The following FOCAD variants were observed in gnomAD, a reference collection of about 807,000 sequenced individuals.
FOCAD encodes the protein KIAA1797.
A neutral mutation model predicts 225.6 loss-of-function variants in FOCAD; 198 were observed. The ratio of observed to expected loss-of-function variants is 0.88; its 90% CI spans 0.78 to 0.99. The LOEUF (loss-of-function observed/expected upper bound fraction) is 0.99. FOCAD is among the 50% of genes least tolerant of loss of function. The pLI, the probability that FOCAD is intolerant of heterozygous loss-of-function variation, is 0.00. For synonymous variants in FOCAD, 897 were observed against 755.0 expected, an observed-to-expected ratio of 1.19 and a Z score of -3.08; for missense variants, 2,713 against 2,123.6, an observed-to-expected ratio of 1.28 and a Z score of -5.46.
At chr9:20,725,126 C>T (rs759555967) in intron 4 of FOCAD, among the ~76,000 whole-genome samples, 2 of 152,182 alleles carry the variant, frequency 1.3e-5, no homozygotes, top group Non-Finnish European at 2.9e-5. Context: ...GAGCCAAGAT[C>T]GCACTACTGC....
At chr9:20,758,700 AT>A (rs1330751674) in intron 6 of FOCAD, among the ~76,000 whole-genome samples, 1 of 152,100 alleles carries the variant, frequency 6.6e-6, no homozygotes, top group African/African-American at 2.4e-5. Context: ...TGAACTCATC[AT>A]TTTTTATGGC....
chr9:20,782,904 C>G (rs1033953447), intron 10 of FOCAD, among the ~76,000 whole-genome samples: 4 of 152,156 alleles, frequency 2.6e-5, no homozygotes, highest in Non-Finnish European at 4.4e-5. Context: ...CTTCCTAAAT[C>G]CTAATTGTTT....
intron 1 of FOCAD, among the ~76,000 whole-genome samples, chr9:20,694,793 A>G (rs1450731779): frequency 6.6e-6 from 1 of 152,182 alleles, no homozygotes; most frequent in Non-Finnish European, 1.5e-5. Flanking sequence ...TTCTTAAAGT[A>G]CTATTACTAG....
In FOCAD at chr9:20,819,834, A is replaced by G. The variant is rs1456199690; in HGVS notation, c.1494A>G (p.Gly498=). The G allele has an allele frequency of 3.2e-6, 5 of 1,539,994 alleles. No homozygotes were observed. In the African/African-American group the frequency reaches 5.6e-5, roughly 17 times the overall value. ...NLIPVLMFKL[G]RPLEPILYND... is the part of the protein sequence containing the mutation. ...TTCCAGTTTTGATGTTCAAATTGGG[A>G]AGACCACTGGAACCTATATTATATA... The change falls in exon 12 of 44, where the codon GGA becomes GGG. Residue 498 remains glycine (G), a synonymous_variant. Coordinates refer to ENST00000338382, the MANE Select transcript of FOCAD (RefSeq NM_001375567.1).
rs532151723 is a variant in FOCAD, at chr9:20,919,576, A to G, written c.2852+2639A>G. Among the ~76,000 whole-genome samples, 1,242 of 152,354 alleles carry G rather than the reference A, an allele frequency of 8.2e-3. 5 individuals carry two copies. The highest frequency in any genetic ancestry group is 0.014 in the Non-Finnish European group (930 of 68,040). On this transcript the variant is annotated intron_variant, in intron 24 of 43. Transcript: ENST00000338382. ...ACTTCAAACTATACTACAAGGCTAC[A>G]GTAACCAAAACAGCATGGAACTGGT... is the stretch of plus-strand genomic sequence containing the variant.
intron 5 of FOCAD, among the ~76,000 whole-genome samples, chr9:20,755,875 A>T (rs921708369): frequency 1.4e-4 from 21 of 151,914 alleles, no homozygotes; most frequent in African/African-American, 4.6e-4. Flanking sequence ...GCTCAGGCTG[A>T]TGTCAAATCC....
chr9:20,881,835 TTACTC>T (rs980063334), intron 19 of FOCAD, 31 bp from the exon 20 acceptor site: 1 of 1,591,002 alleles, frequency 6.3e-7, no homozygotes. Context: ...CTTATTGTAT[TTACTC>T]TACTTTTGGT....
chr9:20,831,042 C>T lies in FOCAD; in HGVS notation c.1920+7927C>T, dbSNP rs370478456. On this transcript the variant is annotated intron_variant, in intron 15 of 43. Coordinates refer to ENST00000338382, the MANE Select transcript of FOCAD (RefSeq NM_001375567.1). ...ATTGACTAGGGATCTTATTTAAATCCGTAGTTTTAAAGCAATTATTCTGTG... is the reference window on the plus strand; with the variant it reads ...ATTGACTAGGGATCTTATTTAAATCTGTAGTTTTAAAGCAATTATTCTGTG... Among the ~76,000 whole-genome samples, 45 of 152,010 alleles carry T rather than the reference C, an allele frequency of 3.0e-4. No individual in the cohort carries two copies. The East Asian group carries it at 3.7e-3, about 12-fold the overall frequency.
intron 15 of FOCAD, among the ~76,000 whole-genome samples, chr9:20,849,087 A>G (rs919754476): frequency 6.6e-6 from 1 of 152,006 alleles, no homozygotes; most frequent in African/African-American, 2.4e-5. Context: ...GAAAAAATAT[A>G]TAAAAAAGGA....
At chr9:20,879,098 A>C (rs1365915523) in intron 19 of FOCAD, among the ~76,000 whole-genome samples, 1 of 152,124 alleles carries the variant, frequency 6.6e-6, no homozygotes, top group Non-Finnish European at 1.5e-5. Flanking sequence ...CCCCAACCCC[A>C]AATAATGCTT....
In FOCAD at chr9:20,923,774, T is replaced by C. The variant is rs1415138444; in HGVS notation, c.2961+6T>C. The C allele has an allele frequency of 1.9e-6, 3 of 1,605,248 alleles. No homozygotes were observed. Among genetic ancestry groups the C allele is most frequent in the South Asian group, 1.1e-5 (1 of 90,620 alleles). On this transcript the variant is annotated splice_donor_region_variant and intron_variant, in intron 25 of 43. Coordinates refer to ENST00000338382, the MANE Select transcript of FOCAD (RefSeq NM_001375567.1). The stretch of plus-strand genomic sequence containing the variant: ...ACTCTGACGGGCTCCTGGAGGTTAG[T>C]TGGGGTGATTTAAACAATTGGCTTT...
chr9:20,666,270 G>A (rs1821897543), intron 2 of FOCAD, among the ~76,000 whole-genome samples: 1 of 152,054 alleles, frequency 6.6e-6, no homozygotes, highest in Admixed American at 6.6e-5. Context: ...ATTACATATA[G>A]CATGAATAAA....
intron 21 of FOCAD, among the ~76,000 whole-genome samples, chr9:20,903,743 A>T (rs1236073575): frequency 1.3e-5 from 2 of 151,992 alleles, no homozygotes. Flanking sequence ...TTGAGGTGTC[A>T]TTCACATAAC....
Position 20,778,689 on chromosome 9 carries a change from T to A in FOCAD, c.915T>A (p.Pro305=), listed in dbSNP as rs764093926. 1 of 1,606,734 alleles carries A rather than the reference T, an allele frequency of 6.2e-7. No individual in the cohort carries two copies. The highest frequency in any genetic ancestry group is 8.5e-7 in the Non-Finnish European group (1 of 1,173,812). ...CCCCTCTATTCTTTTAGGATTTTCC[T>A]GTTGAACTGGTCATAATTGGAATAG... ...HSVELLKEDF[P]VELVIIGIAL... The change falls in exon 9 of 44, where the codon CCT becomes CCA. Residue 305 remains proline, a synonymous_variant. Transcript: ENST00000338382.
Position 20,660,760 on chromosome 9 carries a change from T to G in FOCAD, c.-78+1934T>G, listed in dbSNP as rs118103038. ...GCTGGTAGCCCCAGCAAGGGTCATT[T>G]TATTTGGGTTTGAGGGAGAAGGATC... On this transcript the variant is annotated intron_variant, in intron 2 of 45. Coordinates refer to the FOCAD transcript ENST00000380249. 1.8e-3 allele frequency among the ~76,000 whole-genome samples: 272 copies of G among 152,178 alleles called. 6 individuals carry two copies. In the East Asian group the frequency reaches 0.047, roughly 26 times the overall value.
intron 21 of FOCAD, among the ~76,000 whole-genome samples, chr9:20,902,252 A>G (rs1318827829): frequency 2.0e-5 from 3 of 151,926 alleles, no homozygotes; most frequent in Non-Finnish European, 4.4e-5. Flanking sequence ...AGGCACATAT[A>G]TACTGGAAGT....
At chr9:20,722,948 A>G (rs1454092367) in intron 4 of FOCAD, among the ~76,000 whole-genome samples, 1 of 152,232 alleles carries the variant, frequency 6.6e-6, no homozygotes, top group Non-Finnish European at 1.5e-5. Flanking sequence ...AAGTATCAGC[A>G]GCTCATGGGG....
chr9:20,700,333 T>G (rs2131401110), intron 1 of FOCAD, among the ~76,000 whole-genome samples: 1 of 152,226 alleles, frequency 6.6e-6, no homozygotes, highest in Admixed American at 6.5e-5. Context: ...ATTTTCCATC[T>G]CTATTAGATT....
At chr9:20,888,869 G>A (rs963250620) in intron 21 of FOCAD, among the ~76,000 whole-genome samples, 1 of 152,114 alleles carries the variant, frequency 6.6e-6, no homozygotes. Flanking sequence ...ATGATTTTGA[G>A]GCCTCTGCAG....
Sources: gnomAD v4.1 joint callset for allele counts (sites outside exome capture counted in the v4.1 genomes callset) on GRCh38, gnomAD v4.1.1 for gene constraint, MANE v1.5 for transcripts, NCBI Gene and HGNC (gene_info 2026-07-23, HGNC 2026-07-21) for gene names.